CSMD1: variants seen among roughly 807,000 people sequenced by gnomAD.
The protein encoded by CSMD1 is CUB and Sushi multiple domains 1, also known as CUB and sushi domain-containing protein 1.
In CSMD1, 213 loss-of-function variants were observed where a neutral mutation model predicts 417.5. The ratio of observed to expected loss-of-function variants is 0.51; its 90% CI spans 0.46 to 0.57. The LOEUF (loss-of-function observed/expected upper bound fraction) is 0.57, where lower values mean the gene tolerates loss of function less well. Among genes scored for constraint, CSMD1 ranks in the 20% least tolerant of loss-of-function variants. CSMD1 has a pLI of 0.00. For missense variants in CSMD1, 6,923 were observed against 4,529.7 expected (o/e 1.53, Z -15.17); for synonymous variants, 2,862 against 1,736.8 (o/e 1.65, Z -16.11).
chr8:3,470,775 T>G (rs887559060), intron 11 of CSMD1, among the ~76,000 whole-genome samples: 8 of 152,222 alleles, frequency 5.3e-5, no homozygotes, highest in Non-Finnish European at 1.0e-4. Flanking sequence ...GAAATCACAG[T>G]GTTTAACAAC....
At chr8:4,354,039 C>G (rs1801254531) in intron 3 of CSMD1, among the ~76,000 whole-genome samples, 1 of 152,150 alleles carries the variant, frequency 6.6e-6, no homozygotes, top group Admixed American at 6.6e-5. Flanking sequence ...CTCTCCATAC[C>G]AGTGTCTATG....
chr8:3,880,834 A>T (rs1415912930), intron 5 of CSMD1, among the ~76,000 whole-genome samples: 1 of 152,188 alleles, frequency 6.6e-6, no homozygotes, highest in Non-Finnish European at 1.5e-5. Flanking sequence ...AAATAACGTA[A>T]TGACCTGCGC....
At chr8:3,713,220 T>C (rs1354380343) in intron 6 of CSMD1, among the ~76,000 whole-genome samples, 1 of 152,180 alleles carries the variant, frequency 6.6e-6, no homozygotes, top group Non-Finnish European at 1.5e-5. Context: ...TTACTTTAGT[T>C]TTCCTTTTTT....
rs1417617956 is a variant in CSMD1 at position 3,355,084 on chromosome 8, G to C, written c.3304+4068C>G. ...AATCCATTCAAAAACTGAGGATAAGGGTGTTGATATTTTTTCGTTTTTTAT... is the reference window on the plus strand; with the variant it reads ...AATCCATTCAAAAACTGAGGATAAGCGTGTTGATATTTTTTCGTTTTTTAT... On this transcript the variant is annotated intron_variant, in intron 21 of 69. Coordinates refer to ENST00000635120, the MANE Select transcript of CSMD1 (RefSeq NM_033225.6). 3.3e-5 allele frequency among the ~76,000 whole-genome samples: 5 copies of C among 151,850 alleles called. No individual in the cohort carries two copies. The South Asian group carries it at 6.2e-4, about 19-fold the overall frequency.
chr8:3,483,592 T>A (rs1563081308), intron 11 of CSMD1, among the ~76,000 whole-genome samples: 1 of 151,830 alleles, frequency 6.6e-6, no homozygotes. Flanking sequence ...TTGCAGAAAA[T>A]AACAAAAGAG....
chr8:4,487,824 A>G (rs539354171), intron 2 of CSMD1, among the ~76,000 whole-genome samples: 2 of 94,482 alleles, frequency 2.1e-5, no homozygotes, highest in African/African-American at 5.9e-5. Flanking sequence ...GAGAGAGATA[A>G]CAAGGGCTAA....
chr8:3,672,512 T>C (rs925118098), intron 7 of CSMD1, among the ~76,000 whole-genome samples: 9 of 152,246 alleles, frequency 5.9e-5, no homozygotes, highest in African/African-American at 1.7e-4. Context: ...ATTTAGATTA[T>C]ATAAACTTTA....
chr8:3,820,035 T>C (rs73658289), intron 5 of CSMD1, among the ~76,000 whole-genome samples: 5,508 of 152,274 alleles, frequency 0.036, 345 homozygotes, highest in African/African-American at 0.12. Context: ...TCTTCACAGA[T>C]AGAAAAATCT....
At chr8:3,180,304 C>A (rs1406900511) in intron 37 of CSMD1, among the ~76,000 whole-genome samples, 1 of 152,148 alleles carries the variant, frequency 6.6e-6, no homozygotes, top group Non-Finnish European at 1.5e-5. Flanking sequence ...GTCGACTGTG[C>A]GATGCCTTCC....
At chr8:3,967,639 C>A (rs923575432) in intron 5 of CSMD1, among the ~76,000 whole-genome samples, 4 of 152,062 alleles carry the variant, frequency 2.6e-5, no homozygotes, top group Admixed American at 2.0e-4. Context: ...TCACATTTCC[C>A]CTCCATTCCC....
intron 9 of CSMD1, among the ~76,000 whole-genome samples, chr8:3,577,311 G>A (rs1343573392): frequency 6.6e-6 from 1 of 152,142 alleles, no homozygotes; most frequent in Non-Finnish European, 1.5e-5. Flanking sequence ...CACATTTTCA[G>A]GCCTATGAAG....
At chr8:2,995,067 T>C (rs532917457) in intron 54 of CSMD1, among the ~76,000 whole-genome samples, 74 of 152,294 alleles carry the variant, frequency 4.9e-4, no homozygotes, top group Non-Finnish European at 8.8e-4. Flanking sequence ...ATTTAAAACT[T>C]GTGCTGCTCA....
rs527367269 is a variant in CSMD1, at chr8:3,305,158, G to C, written c.3950+2537C>G. Among the ~76,000 whole-genome samples, 9 of 152,258 alleles carry C rather than the reference G, an allele frequency of 5.9e-5. 1 individual carries two copies. In the South Asian group the frequency reaches 1.7e-3, roughly 28 times the overall value. ...ATCCCCTCAAAGAAAGTGCTGGGAT[G>C]ACAGGTGTGAGCCGCTATGCCTGGC... is the stretch of plus-strand genomic sequence containing the variant. On this transcript the variant is annotated intron_variant, in intron 25 of 69. Coordinates refer to ENST00000635120, the MANE Select transcript of CSMD1 (RefSeq NM_033225.6).
intron 1 of CSMD1, among the ~76,000 whole-genome samples, chr8:4,972,387 T>A (rs796171741): frequency 2.6e-5 from 4 of 152,230 alleles, no homozygotes; most frequent in African/African-American, 9.6e-5. Context: ...GTTCCCCCCA[T>A]GCTGTTCTCA....
At chr8:4,857,996 AT>A (rs1341435272) in intron 1 of CSMD1, among the ~76,000 whole-genome samples, 3 of 152,184 alleles carry the variant, frequency 2.0e-5, no homozygotes, top group Non-Finnish European at 4.4e-5. Context: ...TTTGATGAAC[AT>A]TGACGCAAAA....
intron 1 of CSMD1, among the ~76,000 whole-genome samples, chr8:4,698,107 C>G (rs1010723387): frequency 4.7e-5 from 7 of 148,800 alleles, no homozygotes; most frequent in African/African-American, 1.5e-4. Flanking sequence ...ATTCCCAAAT[C>G]TGTGAACACT....
At chr8:4,153,955 C>T (rs900451900) in intron 3 of CSMD1, among the ~76,000 whole-genome samples, 2 of 152,180 alleles carry the variant, frequency 1.3e-5, no homozygotes, top group Non-Finnish European at 2.9e-5. Context: ...GTGTTTTCTG[C>T]ATTACTGACA....
chr8:3,253,124 G>T (rs1016507640), intron 26 of CSMD1, among the ~76,000 whole-genome samples: 2 of 151,968 alleles, frequency 1.3e-5, no homozygotes, highest in Admixed American at 1.3e-4. Flanking sequence ...TGATGCTAGG[G>T]TGTCAATTTT....
intron 5 of CSMD1, among the ~76,000 whole-genome samples, chr8:3,794,923 T>C (rs1799958061): frequency 2.0e-5 from 3 of 151,874 alleles, no homozygotes; most frequent in Admixed American, 6.6e-5. Context: ...TTTTCATCTT[T>C]TCTAACCTTC....
Sources: gnomAD v4.1 joint callset for allele counts (sites outside exome capture counted in the v4.1 genomes callset) on GRCh38, gnomAD v4.1.1 for gene constraint, MANE v1.5 for transcripts, NCBI Gene and HGNC (gene_info 2026-07-23, HGNC 2026-07-21) for gene names.